MS4A6E: variants seen among roughly 807,000 people sequenced by gnomAD.
MS4A6E encodes the protein membrane-spanning 4-domains subfamily A member 6E.
A neutral mutation model predicts 13.2 loss-of-function variants in MS4A6E; 8 were observed. The observed-to-expected ratio is 0.60, with a 90% confidence interval of 0.35 to 1.09. The LOEUF (loss-of-function observed/expected upper bound fraction) is 1.09, where lower values mean the gene tolerates loss of function less well. MS4A6E is among the 50% of genes least tolerant of loss of function. MS4A6E has a pLI of 0.02. For synonymous variants in MS4A6E, 72 were observed against 67.6 expected (o/e 1.06, Z -0.32); for missense variants, 177 against 171.1 (o/e 1.03, Z -0.19).
In MS4A6E at chr11:60,327,283, T is replaced by C. The variant is rs985808287; in HGVS notation, c.-140T>C. On this transcript the variant is annotated 5_prime_UTR_variant, in exon 1 of 5. The change abolishes the stop of an existing upstream ORF in the 5' untranslated region. Coordinates refer to ENST00000684409, the MANE Select transcript of MS4A6E (RefSeq NM_139249.4). ...TCACCCTTCCATTCATTCCACCATGTGAGGACACAGTTTGTCCTATCTGGA... is the reference window on the plus strand; with the variant it reads ...TCACCCTTCCATTCATTCCACCATGCGAGGACACAGTTTGTCCTATCTGGA... Among the ~76,000 whole-genome samples, 39 of 152,222 alleles carry C rather than the reference T, an allele frequency of 2.6e-4. No homozygotes were observed. Among genetic ancestry groups the C allele is most frequent in the African/African-American group, 9.2e-4 (38 of 41,454 alleles).
chr11:60,330,266 C>G (rs540294342), intron 1 of MS4A6E, among the ~76,000 whole-genome samples: 37 of 147,884 alleles, frequency 2.5e-4, no homozygotes, highest in Non-Finnish European at 3.9e-4. Flanking sequence ...CCTGTTCACT[C>G]TGATGATAGT....
chr11:60,333,563 T>A (rs10750933), intron 1 of MS4A6E, among the ~76,000 whole-genome samples: 54,407 of 151,958 alleles, frequency 0.36, 10,253 homozygotes, highest in East Asian at 0.41. Context: ...AATAGAAGAT[T>A]CCCCTGGTCC....
intron 2 of MS4A6E, among the ~76,000 whole-genome samples, chr11:60,337,452 C>T (rs1259942150): frequency 6.6e-6 from 1 of 152,068 alleles, no homozygotes; most frequent in African/African-American, 2.4e-5. Flanking sequence ...GCCTCGTGGG[C>T]CCTGCTATCT....
chr11:60,329,313 G>T (rs1051288012), intron 1 of MS4A6E, among the ~76,000 whole-genome samples: 1 of 152,156 alleles, frequency 6.6e-6, no homozygotes, highest in Non-Finnish European at 1.5e-5. Context: ...TCCCTGAAAA[G>T]GACATGAACT....
chr11:60,328,985 T>C (rs1462064856), intron 1 of MS4A6E, among the ~76,000 whole-genome samples: 2 of 152,178 alleles, frequency 1.3e-5, no homozygotes, highest in Non-Finnish European at 2.9e-5. Flanking sequence ...ATAATAGATA[T>C]GTTAATTTTT....
Position 60,337,956 on chromosome 11 carries a change from T to A in MS4A6E, c.354+9T>A. On this transcript the variant is annotated intron_variant, in intron 3 of 4. Coordinates refer to ENST00000684409, the MANE Select transcript of MS4A6E (RefSeq NM_139249.4). ...CCAAAGCCAGTCTGGCTGTAAGTAT[T>A]TTTTAGATGGGATGTTCTAATTTTA... 1 of 1,610,274 alleles carries A rather than the reference T, an allele frequency of 6.2e-7. No homozygotes were observed. Among genetic ancestry groups the A allele is most frequent in the Non-Finnish European group, 8.5e-7 (1 of 1,176,860 alleles).
At position 60,329,184 on chromosome 11, in the gene MS4A6E, C is replaced by T. The variant is rs372418674; in HGVS notation, c.-15+1776C>T. 4.1e-3 allele frequency among the ~76,000 whole-genome samples: 622 copies of T among 151,414 alleles called. 1 individual carries two copies. The highest frequency in any genetic ancestry group is 0.013 in the South Asian group (61 of 4,694). ...ACAGGCCTTGGTGTGTGATGTTCCC[C>T]TCCCTGTGCCCATATATTCTCGTTG... On this transcript the variant is annotated intron_variant, in intron 1 of 4. Transcript: ENST00000684409.
In MS4A6E at chr11:60,341,215, A is replaced by G. The variant is rs2085223798; in HGVS notation, c.*449A>G. 6.6e-6 allele frequency among the ~76,000 whole-genome samples: 1 copy of G among 152,230 alleles called. No individual in the cohort carries two copies. The highest frequency in any genetic ancestry group is 6.5e-5 in the Admixed American group (1 of 15,290). On this transcript the variant is annotated 3_prime_UTR_variant, in exon 5 of 5. Coordinates refer to ENST00000684409, the MANE Select transcript of MS4A6E (RefSeq NM_139249.4). ...TTTGCTGTGGTGCGCAGACTCTTTTATCACAGGTGCTACTGATTTATCCCA... is the reference window on the plus strand; with the variant it reads ...TTTGCTGTGGTGCGCAGACTCTTTTGTCACAGGTGCTACTGATTTATCCCA...
chr11:60,346,711 T>G (rs2085257497), intron 4 of MS4A6E, among the ~76,000 whole-genome samples: 1 of 152,192 alleles, frequency 6.6e-6, no homozygotes, highest in Non-Finnish European at 1.5e-5. Context: ...CCAATCAGGG[T>G]TGGCAAAAAG....
chr11:60,335,277 G>C (rs1333914585), intron 2 of MS4A6E, among the ~76,000 whole-genome samples: 2 of 152,090 alleles, frequency 1.3e-5, no homozygotes, highest in Non-Finnish European at 2.9e-5. Flanking sequence ...TGTTGTCTTT[G>C]TATTTTTGCA....
In MS4A6E at chr11:60,328,859, T is replaced by G. The variant is rs73493388; in HGVS notation, c.-15+1451T>G. Reference sequence around the variant, plus strand: ...AGGATGAGCAAATCTAGAGTTCTAATGTACAGTACAAAGACGATAGTTAAT... The same window carrying G: ...AGGATGAGCAAATCTAGAGTTCTAAGGTACAGTACAAAGACGATAGTTAAT... On this transcript the variant is annotated intron_variant, in intron 1 of 4. Coordinates refer to ENST00000684409, the MANE Select transcript of MS4A6E (RefSeq NM_139249.4). 3.6e-3 allele frequency among the ~76,000 whole-genome samples: 555 copies of G among 152,256 alleles called. 3 individuals are homozygous for G. Among genetic ancestry groups the G allele is most frequent in the African/African-American group, 0.013 (545 of 41,544 alleles).
chr11:60,344,246 A>G (rs2085246182), downstream of MS4A6E, among the ~76,000 whole-genome samples: 1 of 152,194 alleles, frequency 6.6e-6, no homozygotes, highest in African/African-American at 2.4e-5. Flanking sequence ...ATTACCTCAG[A>G]TGCCTTTTCT....
At chr11:60,346,651 A>G (rs1437856007) in intron 4 of MS4A6E, among the ~76,000 whole-genome samples, 1 of 152,170 alleles carries the variant, frequency 6.6e-6, no homozygotes, top group Non-Finnish European at 1.5e-5. Context: ...CCTCTAATAT[A>G]CACATTAAAA....
At chr11:60,343,513 A>G (rs968222884), downstream of MS4A6E, among the ~76,000 whole-genome samples, 3 of 152,220 alleles carry the variant, frequency 2.0e-5, no homozygotes, top group Non-Finnish European at 4.4e-5. Flanking sequence ...AAGGTGGTGT[A>G]GTAGATAATT....
chr11:60,330,497 C>T (rs548428886), intron 1 of MS4A6E, among the ~76,000 whole-genome samples: 4 of 151,612 alleles, frequency 2.6e-5, no homozygotes, highest in South Asian at 2.1e-4. Context: ...CCCACCACCA[C>T]GCCCAGCTAA....
At chr11:60,342,044 C>T (rs147761901), downstream of MS4A6E, among the ~76,000 whole-genome samples, 7 of 152,196 alleles carry the variant, frequency 4.6e-5, no homozygotes, top group East Asian at 5.8e-4. Flanking sequence ...TTAGGGATTT[C>T]GCTAACTGTT....
At chr11:60,332,639 C>T (rs548873376) in intron 1 of MS4A6E, among the ~76,000 whole-genome samples, 22 of 152,262 alleles carry the variant, frequency 1.4e-4, no homozygotes, top group Non-Finnish European at 2.8e-4. Context: ...CCCCATGTAG[C>T]TGAGGTGCTA....
At chr11:60,340,078 C>T in intron 4 of MS4A6E, 114 bp downstream of exon 4, 12 of 1,469,842 alleles carry the variant, frequency 8.2e-6, no homozygotes, top group Non-Finnish European at 1.1e-5. Context: ...ATGAGATACA[C>T]ATGGGAGGTC....
At chr11:60,337,994 A>G in intron 3 of MS4A6E, 47 bp downstream of exon 3, 1 of 1,565,018 alleles carries the variant, frequency 6.4e-7, no homozygotes, top group Non-Finnish European at 8.8e-7. Context: ...AGGTTTCTGA[A>G]AGCCTTGATT....
Sources: allele counts gnomAD v4.1 joint callset (sites outside exome capture counted in the v4.1 genomes callset), GRCh38; gene constraint gnomAD v4.1.1; transcripts MANE v1.5; gene names NCBI Gene and HGNC (gene_info 2026-07-23, HGNC 2026-07-21).